The following TMTC2 variants were observed in gnomAD, a reference collection of about 807,000 sequenced individuals.
The protein encoded by TMTC2 is transmembrane O-mannosyltransferase targeting cadherins 2, also known as protein O-mannosyl-transferase TMTC2.
TMTC2 carries 43 observed loss-of-function variants against 82.4 expected under a neutral mutation model. The ratio of observed to expected loss-of-function variants is 0.52; its 90% CI spans 0.41 to 0.67. The LOEUF (loss-of-function observed/expected upper bound fraction) is 0.67. Ranked by LOEUF, TMTC2 falls within the 30% of genes least tolerant of loss-of-function variation. TMTC2 has a pLI of 0.00. For synonymous variants in TMTC2, 408 were observed against 381.9 expected (o/e 1.07, Z -0.80); for missense variants, 919 against 1,012.4 (o/e 0.91, Z 1.25).
In TMTC2 at chr12:82,752,147, C is replaced by CATTTTTTTTTTTTT. The variant is rs58427886; in HGVS notation, c.83+64478_83+64479insATTTTTTTTTTTTT. 2.2e-5 allele frequency among the ~76,000 whole-genome samples: 3 copies of CATTTTTTTTTTTTT among 137,928 alleles called. 1 individual carries two copies. The highest frequency in any genetic ancestry group is 5.6e-5 in the African/African-American group (2 of 35,846). 90.5% of individuals were successfully genotyped at this position (137,928 alleles called of 152,430 possible). A position where few individuals can be genotyped will look rare whatever the true frequency, so the allele number is the denominator to read the frequency against. ...ATGTTTTTATATTTATTGGAAGCTC[C>CATTTTTTTTTTTTT]TTTTTTTTTTTTTTTTTTTCTGAAG... On this transcript the variant is annotated intron_variant, in intron 1 of 11. Transcript: ENST00000321196.
intron 4 of TMTC2, among the ~76,000 whole-genome samples, chr12:82,937,795 T>TAC (rs59765069): frequency 2.4e-4 from 7 of 29,530 alleles, no homozygotes; most frequent in Admixed American, 7.8e-4. Context: ...TATATATATA[T>TAC]ACACACATAT....
intron 4 of TMTC2, among the ~76,000 whole-genome samples, chr12:82,945,449 G>T (rs1399256294): frequency 6.6e-6 from 1 of 152,152 alleles, no homozygotes; most frequent in Non-Finnish European, 1.5e-5. Flanking sequence ...CATAAAAGAG[G>T]TTTATAAAGA....
At chr12:82,727,146 C>G (rs577786149) in intron 1 of TMTC2, among the ~76,000 whole-genome samples, 240 of 151,218 alleles carry the variant, frequency 1.6e-3, no homozygotes, top group Non-Finnish European at 2.8e-3. Context: ...TGTTTATTTT[C>G]TTTCTCCCAT....
intron 1 of TMTC2, among the ~76,000 whole-genome samples, chr12:82,786,917 T>G (rs1045612459): frequency 1.5e-4 from 23 of 152,174 alleles, no homozygotes; most frequent in Non-Finnish European, 3.4e-4. Context: ...AATAAATTCC[T>G]CATGCATACC....
intron 3 of TMTC2, among the ~76,000 whole-genome samples, chr12:82,916,074 C>G (rs913524029): frequency 7.9e-5 from 12 of 152,112 alleles, no homozygotes; most frequent in African/African-American, 2.9e-4. Context: ...AAAAAAGGTA[C>G]TGGTTGGATG....
intron 1 of TMTC2, among the ~76,000 whole-genome samples, chr12:82,793,665 C>A (rs1450145654): frequency 1.3e-5 from 2 of 152,012 alleles, no homozygotes; most frequent in Non-Finnish European, 2.9e-5. Flanking sequence ...GCCTTCTTCC[C>A]GTGCTGTTAG....
At chr12:82,733,146 G>A (rs1874915918) in intron 1 of TMTC2, among the ~76,000 whole-genome samples, 1 of 152,008 alleles carries the variant, frequency 6.6e-6, no homozygotes, top group Non-Finnish European at 1.5e-5. Flanking sequence ...AAAGTAAGTT[G>A]AGTAATAGAA....
chr12:82,704,240 T>C (rs974380275), intron 1 of TMTC2, among the ~76,000 whole-genome samples: 1 of 152,192 alleles, frequency 6.6e-6, no homozygotes, highest in African/African-American at 2.4e-5. Flanking sequence ...ATTTTTATTT[T>C]TATTTCTTTT....
rs189998173 is a variant in TMTC2, at chr12:82,693,923, G to A, written c.83+6254G>A. On this transcript the variant is annotated intron_variant, in intron 1 of 11. Coordinates refer to ENST00000321196, the MANE Select transcript of TMTC2 (RefSeq NM_152588.3). ...GCGGAGGATGCAGTGAGCCAAGATC[G>A]CGCCACCATACTCCAGCCTGGTCAA... 5.7e-5 allele frequency among the ~76,000 whole-genome samples: 8 copies of A among 140,454 alleles called. No individual in the cohort carries two copies. In the East Asian group the frequency reaches 6.4e-4, roughly 11 times the overall value. The allele number at this position is 140,454 out of a possible 152,430, so 92.1% of individuals were successfully genotyped here.
At chr12:82,708,035 AC>A (rs1873448328) in intron 1 of TMTC2, among the ~76,000 whole-genome samples, 1 of 152,124 alleles carries the variant, frequency 6.6e-6, no homozygotes, top group Non-Finnish European at 1.5e-5. Context: ...TGTGGGGCAA[AC>A]CCACCCTGCA....
chr12:82,742,698 A>G (rs1875481019), intron 1 of TMTC2, among the ~76,000 whole-genome samples: 1 of 150,600 alleles, frequency 6.6e-6, no homozygotes, highest in South Asian at 2.1e-4. Context: ...TTTTTTTTGT[A>G]TTTTTAGTAG....
chr12:82,926,125 C>T (rs1463307037), intron 3 of TMTC2, among the ~76,000 whole-genome samples: 2 of 151,958 alleles, frequency 1.3e-5, no homozygotes, highest in African/African-American at 2.4e-5. Flanking sequence ...GGACTACAGG[C>T]GTGTGCCAAC....
intron 3 of TMTC2, among the ~76,000 whole-genome samples, chr12:82,930,219 G>T (rs547469492): frequency 1.3e-5 from 2 of 152,100 alleles, no homozygotes; most frequent in Non-Finnish European, 1.5e-5. Flanking sequence ...TATCTGCTTT[G>T]AGACATAATA....
intron 1 of TMTC2, among the ~76,000 whole-genome samples, chr12:82,695,351 A>T (rs529873697): frequency 3.9e-5 from 6 of 152,172 alleles, no homozygotes; most frequent in Non-Finnish European, 7.3e-5. Context: ...TTCTATAAAG[A>T]CACTGAAAGG....
Position 82,869,299 on chromosome 12 carries a change from CTT to C in TMTC2, c.654+11722_654+11723del, listed in dbSNP as rs565933300. ...GAATAAGAATTTTTTGGTCTACTTA[CTT>C]TTGTTTGTTTTTAAGGACTTGAGGG... On this transcript the variant is annotated intron_variant, in intron 2 of 11. Coordinates refer to ENST00000321196, the MANE Select transcript of TMTC2 (RefSeq NM_152588.3). Among the ~76,000 whole-genome samples the C allele has an allele frequency of 1.4e-3, 215 of 152,140 alleles. 2 individuals are homozygous for C. The highest frequency in any genetic ancestry group is 4.7e-3 in the African/African-American group (196 of 41,518).
intron 2 of TMTC2, 49 bp downstream of exon 2, chr12:82,857,629 G>T (rs1237220403): frequency 2.0e-6 from 3 of 1,496,890 alleles, no homozygotes; most frequent in South Asian, 1.3e-5. Context: ...TAATCTACTT[G>T]CTTACTCCTT....
intron 1 of TMTC2, 50 bp from the exon 2 acceptor site, chr12:82,856,960 C>CT (rs1565780192): frequency 1.3e-6 from 2 of 1,518,772 alleles, no homozygotes; most frequent in Non-Finnish European, 1.8e-6. Flanking sequence ...CATATTTTTT[C>CT]TTTCTTTCTG....
chr12:83,066,535 G>C (rs568552436), intron 11 of TMTC2, among the ~76,000 whole-genome samples: 2 of 152,040 alleles, frequency 1.3e-5, no homozygotes, highest in South Asian at 4.1e-4. Context: ...GTAATTTAGA[G>C]TGGCGATTTA....
chr12:82,697,359 A>T (rs1036173199), intron 1 of TMTC2, among the ~76,000 whole-genome samples: 10 of 151,822 alleles, frequency 6.6e-5, no homozygotes, highest in African/African-American at 2.2e-4. Flanking sequence ...AAAAAAGGAA[A>T]AAAAAACAAT....
Sources: gnomAD v4.1 joint callset for allele counts (sites outside exome capture counted in the v4.1 genomes callset) on GRCh38, gnomAD v4.1.1 for gene constraint, MANE v1.5 for transcripts, NCBI Gene and HGNC (gene_info 2026-07-23, HGNC 2026-07-21) for gene names.